HIF1A: variants seen among roughly 807,000 people sequenced by gnomAD.
HIF1A encodes hypoxia-inducible factor 1-alpha.
A neutral mutation model predicts 92.7 loss-of-function variants in HIF1A; 24 were observed. The ratio of observed to expected loss-of-function variants is 0.26; its 90% CI spans 0.19 to 0.36. The LOEUF is 0.36. HIF1A is among the 10% of genes least tolerant of loss of function. The probability of loss-of-function intolerance (pLI) is 1.00; values close to 1 mark genes in which losing one functional copy is unlikely to be tolerated. For synonymous variants in HIF1A, 319 were observed against 338.7 expected (o/e 0.94, Z 0.64); for missense variants, 799 against 998.5 (o/e 0.80, Z 2.69).
At chr14:61,738,053 A>T in intron 9 of HIF1A, 34 bp from the exon 10 acceptor site, 1 of 1,506,350 alleles carries the variant, frequency 6.6e-7, no homozygotes, top group African/African-American at 1.4e-5. Context: ...AAATCCTTCT[A>T]TACTTTAGAT....
chr14:61,718,473 AC>A (rs111414040), intron 1 of HIF1A, among the ~76,000 whole-genome samples: 1,732 of 151,824 alleles, frequency 0.011, 35 homozygotes, highest in African/African-American at 0.038. Context: ...CCTGCTAGAT[AC>A]CCCCCCATCC....
chr14:61,746,390 T>C (rs1390578383), intron 14 of HIF1A, among the ~76,000 whole-genome samples: 17 of 31,234 alleles, frequency 5.4e-4, no homozygotes, highest in Non-Finnish European at 1.5e-3. Context: ...CTTTTATGAC[T>C]TCTTTTTTTT....
chr14:61,727,272 T>C lies in HIF1A; in HGVS notation c.571-181T>C, dbSNP rs574108683. On this transcript the variant is annotated intron_variant, in intron 5 of 14. Coordinates refer to ENST00000337138, the MANE Select transcript of HIF1A (RefSeq NM_001530.4). The stretch of plus-strand genomic sequence containing the variant: ...TAATGTATAGGCCCTGGGCAGGAAG[T>C]AGGTCATAGGTGGTATCATAGGAAA... Among the ~76,000 whole-genome samples the C allele has an allele frequency of 2.7e-3, 412 of 152,334 alleles. 4 individuals are homozygous for C. Among genetic ancestry groups the C allele is most frequent in the African/African-American group, 9.2e-3 (381 of 41,586 alleles).
intron 9 of HIF1A, among the ~76,000 whole-genome samples, chr14:61,737,716 A>G (rs1309854530): frequency 1.3e-5 from 2 of 152,192 alleles, no homozygotes; most frequent in Non-Finnish European, 2.9e-5. Context: ...GAAAAAGAAC[A>G]TAAATTTTTT....
At chr14:61,707,872 G>A (rs1246142544) in intron 1 of HIF1A, among the ~76,000 whole-genome samples, 1 of 151,934 alleles carries the variant, frequency 6.6e-6, no homozygotes, top group Non-Finnish European at 1.5e-5. Context: ...GATCCCTGAG[G>A]AATCGCCACA....
chr14:61,712,443 C>A (rs2044318330), intron 1 of HIF1A, among the ~76,000 whole-genome samples: 1 of 151,466 alleles, frequency 6.6e-6, no homozygotes, highest in South Asian at 2.1e-4. Flanking sequence ...GAGGCAAAAA[C>A]CATTTTAAGC....
At position 61,737,066 on chromosome 14, in the gene HIF1A, A is replaced by G. The variant is rs750187829; in HGVS notation, c.1206A>G (p.Pro402=). 6 of 1,614,076 alleles carry G rather than the reference A, an allele frequency of 3.7e-6. No homozygotes were observed. The Admixed American group carries it at 5.0e-5, about 13-fold the overall frequency. ...CTGATGCTTTAACTTTGCTGGCCCC[A>G]GCCGCTGGAGACACAATCATATCTT... The part of the protein sequence containing the change: ...KEPDALTLLA[P]AAGDTIISLD... The change falls in exon 9 of 15, where the codon CCA becomes CCG. Residue 402 remains proline, a synonymous_variant. Transcript: ENST00000337138.
intron 1 of HIF1A, among the ~76,000 whole-genome samples, chr14:61,701,936 C>T (rs1338421777): frequency 1.3e-5 from 2 of 151,866 alleles, no homozygotes; most frequent in Non-Finnish European, 2.9e-5. Flanking sequence ...TGCGGTGAGC[C>T]AAGATCGCCC....
At chr14:61,715,792 G>A (rs1013595731) in intron 1 of HIF1A, 2 of 152,264 alleles carry the variant, frequency 1.3e-5, no homozygotes, top group African/African-American at 4.8e-5. Context: ...TTTAGCCCAG[G>A]AGTTCAGGAC....
chr14:61,710,088 T>A (rs1220486769), intron 1 of HIF1A, among the ~76,000 whole-genome samples: 1 of 152,226 alleles, frequency 6.6e-6, no homozygotes, highest in Non-Finnish European at 1.5e-5. Flanking sequence ...TTTATACACA[T>A]ACATTACACA....
chr14:61,701,581 G>A (rs1029929095), intron 1 of HIF1A, among the ~76,000 whole-genome samples: 6 of 152,120 alleles, frequency 3.9e-5, no homozygotes, highest in African/African-American at 1.4e-4. Flanking sequence ...CTGTTCTTAA[G>A]AGTCTTGTAA....
At chr14:61,724,091 GT>G (rs1289815096) in intron 4 of HIF1A, among the ~76,000 whole-genome samples, 5 of 149,916 alleles carry the variant, frequency 3.3e-5, no homozygotes, top group Non-Finnish European at 7.4e-5. Context: ...TAAAATTTAG[GT>G]TTTTTTAATG....
At chr14:61,732,931 A>C (rs913968050) in intron 7 of HIF1A, among the ~76,000 whole-genome samples, 1 of 152,218 alleles carries the variant, frequency 6.6e-6, no homozygotes, top group Non-Finnish European at 1.5e-5. Flanking sequence ...AAAAATGCTT[A>C]TAAGTGCATA....
chr14:61,744,722 A>T lies in HIF1A; in HGVS notation c.2111A>T (p.Glu704Val), dbSNP rs752350520. The T allele has an allele frequency of 1.3e-6, 2 of 1,551,574 alleles. No homozygotes were observed. The highest frequency in any genetic ancestry group is 8.8e-7 in the Non-Finnish European group (1 of 1,132,784). The change falls in exon 13 of 15, where the codon GAA (glutamate) becomes GTA (valine). Residue 704 changes from glutamate to valine, a missense_variant. By Grantham distance (121) the Glu-to-Val change is moderately radical. Around this residue, in one of 2 missense-constraint regions of HIF1A, gnomAD observed 283 missense variants for 277.5 expected, o/e 1.02. Transcript: ENST00000337138. ...ALSQRTTVPE[E>V]ELNPKILALQ... Reference sequence around the variant, plus strand: ...CTTTTCAGAACTACAGTTCCTGAGGAAGAACTAAATCCAAAGATACTAGCT... The same window carrying T: ...CTTTTCAGAACTACAGTTCCTGAGGTAGAACTAAATCCAAAGATACTAGCT...
At position 61,711,605 on chromosome 14, in the gene HIF1A, C is replaced by G. The variant is rs188154901; in HGVS notation, c.36-8777C>G. 7.9e-5 allele frequency among the ~76,000 whole-genome samples: 12 copies of G among 152,280 alleles called. No individual in the cohort carries two copies. The East Asian group carries it at 2.1e-3, about 27-fold the overall frequency. On this transcript the variant is annotated intron_variant, in intron 1 of 14. Coordinates refer to ENST00000337138, the MANE Select transcript of HIF1A (RefSeq NM_001530.4). ...TGCCTTGGTTTATGGTGATACTCTTCATTGTTATACTGGTGGGTGATTGTT... is the reference window on the plus strand; with the variant it reads ...TGCCTTGGTTTATGGTGATACTCTTGATTGTTATACTGGTGGGTGATTGTT...
Position 61,741,151 on chromosome 14 carries a change from A to G in HIF1A, c.2056A>G (p.Arg686Gly), listed in dbSNP as rs775545098. ...VIEQTEKSHP[R>G]SPNVLSVALS... ...AGAACAGACAGAAAAATCTCATCCA[A>G]GAAGCCCTAACGTGTTATCTGTCGC... The change falls in exon 12 of 15, where the codon AGA (arginine) becomes GGA (glycine). Residue 686 changes from arginine to glycine, a missense_variant. Physicochemically the swap from Arg to Gly is moderately radical, Grantham distance 125. This residue lies in a region of HIF1A where 283 missense variants were observed against 277.5 expected (regional missense o/e 1.02). Transcript: ENST00000337138. The G allele has an allele frequency of 4.3e-6, 7 of 1,612,552 alleles. No homozygotes were observed. In the Admixed American group the frequency reaches 5.0e-5, roughly 12 times the overall value.
intron 1 of HIF1A, among the ~76,000 whole-genome samples, chr14:61,705,911 GT>G (rs1354092088): frequency 6.6e-6 from 1 of 152,120 alleles, no homozygotes; most frequent in Non-Finnish European, 1.5e-5. Flanking sequence ...AATAGAAGAA[GT>G]CTTTAGGGTA....
rs61997401 is a variant in HIF1A, at chr14:61,708,265, C to T, written c.36-12117C>T. 8.6e-3 allele frequency among the ~76,000 whole-genome samples: 1,316 copies of T among 152,256 alleles called. 10 individuals are homozygous for T. Among genetic ancestry groups the T allele is most frequent in the Non-Finnish European group, 0.013 (902 of 68,018 alleles). ...CCATTCTGTAGGTTGCCTGTTCACTCTGATGGTAGTTTCTTTTGCTGTGCA... is the reference window on the plus strand; with the variant it reads ...CCATTCTGTAGGTTGCCTGTTCACTTTGATGGTAGTTTCTTTTGCTGTGCA... On this transcript the variant is annotated intron_variant, in intron 1 of 14. Coordinates refer to ENST00000337138, the MANE Select transcript of HIF1A (RefSeq NM_001530.4).
chr14:61,741,558 A>G (rs1422137477), intron 12 of HIF1A, among the ~76,000 whole-genome samples: 1 of 151,770 alleles, frequency 6.6e-6, no homozygotes, highest in Non-Finnish European at 1.5e-5. Context: ...TCATAGAGAC[A>G]GGGTTTCTCC....
Sources: allele counts gnomAD v4.1 joint callset (sites outside exome capture counted in the v4.1 genomes callset), GRCh38; gene constraint gnomAD v4.1.1; regional missense constraint gnomAD v4.1.1; transcripts MANE v1.5; gene names NCBI Gene and HGNC (gene_info 2026-07-23, HGNC 2026-07-21).